The following HEATR5A variants were observed in gnomAD, a reference collection of about 807,000 sequenced individuals.
The protein encoded by HEATR5A is HEAT repeat-containing protein 5A.
Under a neutral mutation model 218.8 loss-of-function variants are expected in HEATR5A, and 178 were observed. The ratio of observed to expected loss-of-function variants is 0.81; its 90% CI spans 0.72 to 0.92. HEATR5A has a LOEUF of 0.92. Among genes scored for constraint, HEATR5A ranks in the 40% least tolerant of loss-of-function variants. The pLI, the probability that HEATR5A is intolerant of heterozygous loss-of-function variation, is 0.00. For synonymous variants in HEATR5A, 864 were observed against 871.6 expected (o/e 0.99, Z 0.15); for missense variants, 2,420 against 2,418.9 (o/e 1.00, Z -0.01).
At chr14:31,364,824 A>C (rs879574545) in intron 13 of HEATR5A, among the ~76,000 whole-genome samples, 3 of 152,160 alleles carry the variant, frequency 2.0e-5, no homozygotes, top group Non-Finnish European at 4.4e-5. Flanking sequence ...TCACTTTACC[A>C]ATGCTCATTC....
chr14:31,357,371 G>C (rs1901459766), intron 16 of HEATR5A, among the ~76,000 whole-genome samples: 2 of 152,206 alleles, frequency 1.3e-5, no homozygotes, highest in African/African-American at 2.4e-5. Flanking sequence ...TCCTCTGGAA[G>C]ATATAACTGG....
chr14:31,314,315 C>T (rs1311705615), intron 27 of HEATR5A, among the ~76,000 whole-genome samples: 6 of 151,908 alleles, frequency 3.9e-5, no homozygotes, highest in Admixed American at 1.3e-4. Context: ...CTGGATGGTG[C>T]GATCTTGGCT....
At chr14:31,362,777 C>CAAA (rs71430950) in intron 14 of HEATR5A, among the ~76,000 whole-genome samples, 3 of 132,518 alleles carry the variant, frequency 2.3e-5, no homozygotes, top group Non-Finnish European at 4.8e-5. Context: ...GGCCCCATCT[C>CAAA]AAAAAAAAAA....
At chr14:31,376,103 G>C (rs1595152316) in intron 11 of HEATR5A, among the ~76,000 whole-genome samples, 1 of 152,298 alleles carries the variant, frequency 6.6e-6, no homozygotes, top group African/African-American at 2.4e-5. Flanking sequence ...TATTAGTTGT[G>C]TAAACCTGGA....
At chr14:31,337,027 G>A (rs920831438) in intron 22 of HEATR5A, among the ~76,000 whole-genome samples, 4 of 152,180 alleles carry the variant, frequency 2.6e-5, no homozygotes, top group African/African-American at 9.7e-5. Flanking sequence ...GTAAACATTT[G>A]TGTATCAAAA....
intron 1 of HEATR5A, among the ~76,000 whole-genome samples, chr14:31,405,447 A>G (rs1443189227): frequency 6.6e-6 from 1 of 152,172 alleles, no homozygotes; most frequent in Non-Finnish European, 1.5e-5. Flanking sequence ...CAACAACAAA[A>G]AAGGAATATA....
chr14:31,325,255 T>G (rs1900225925), intron 23 of HEATR5A, among the ~76,000 whole-genome samples: 1 of 152,218 alleles, frequency 6.6e-6, no homozygotes, highest in Admixed American at 6.6e-5. Context: ...ATTTTCTCTC[T>G]TACTCCAAGG....
intron 31 of HEATR5A, 113 bp from the exon 32 acceptor site, chr14:31,305,290 T>G: frequency 9.4e-7 from 1 of 1,069,338 alleles, no homozygotes; most frequent in Non-Finnish European, 1.3e-6. Context: ...TGAGACAGAG[T>G]CTCGCTCTGT....
intron 22 of HEATR5A, chr14:31,334,195 T>C (rs1414140827): frequency 3.7e-6 from 1 of 272,120 alleles, no homozygotes; most frequent in Non-Finnish European, 7.6e-6. Flanking sequence ...TCACTGACAA[T>C]GTGCCTAGTT....
rs1375091408 is a variant in HEATR5A at position 31,347,980 on chromosome 14, A to G, written c.2709-73T>C. 6 of 941,136 alleles carry G rather than the reference A, an allele frequency of 6.4e-6. No homozygotes were observed. In the African/African-American group the frequency reaches 6.8e-5, roughly 11 times the overall value. 58.3% of individuals were successfully genotyped at this position (941,136 alleles called of 1,614,324 possible). A position where few individuals can be genotyped will look rare whatever the true frequency, so the allele number is the denominator to read the frequency against. ...AAAACACAAAAACTAATGCATGTACACTGTCACTTAGGCAAAACTTTTTAT... is the reference window on the plus strand; with the variant it reads ...AAAACACAAAAACTAATGCATGTACGCTGTCACTTAGGCAAAACTTTTTAT... On this transcript the variant is annotated intron_variant, in intron 18 of 35. Coordinates refer to ENST00000543095, the MANE Select transcript of HEATR5A (RefSeq NM_015473.4).
intron 18 of HEATR5A, 101 bp downstream of exon 18, chr14:31,349,684 CTTAG>C (rs1901149275): frequency 1.4e-6 from 1 of 728,796 alleles, no homozygotes; most frequent in Non-Finnish European, 2.2e-6. Context: ...TTTTTCTTTT[CTTAG>C]TTAAATCTCA....
intron 8 of HEATR5A, 46 bp from the exon 9 acceptor site, chr14:31,386,621 A>T (rs2030233697): frequency 6.7e-7 from 1 of 1,501,288 alleles, no homozygotes. Context: ...CTGTATTAAA[A>T]TATATTGAAA....
intron 29 of HEATR5A, among the ~76,000 whole-genome samples, chr14:31,308,230 G>A (rs139021054): frequency 9.2e-5 from 14 of 152,070 alleles, no homozygotes; most frequent in African/African-American, 2.7e-4. Context: ...AATCTATGCC[G>A]GGCATGGTGG....
chr14:31,326,376 C>G (rs748671666), intron 22 of HEATR5A, 34 bp from the exon 23 acceptor site: 29 of 1,519,152 alleles, frequency 1.9e-5, no homozygotes, highest in Non-Finnish European at 2.5e-5. Flanking sequence ...CTAAGTAATA[C>G]AGAAAACAAA....
chr14:31,384,432 A>C (rs2030122416), intron 9 of HEATR5A, among the ~76,000 whole-genome samples: 1 of 150,538 alleles, frequency 6.6e-6, no homozygotes, highest in Non-Finnish European at 1.5e-5. Flanking sequence ...TGACAGACTG[A>C]GACCCTGCCT....
At chr14:31,397,519 C>T (rs2030701158) in intron 4 of HEATR5A, among the ~76,000 whole-genome samples, 1 of 151,852 alleles carries the variant, frequency 6.6e-6, no homozygotes, top group Non-Finnish European at 1.5e-5. Context: ...ATTAGCTAGG[C>T]GTGGTGGCAC....
chr14:31,377,705 G>A (rs890804538), intron 11 of HEATR5A, among the ~76,000 whole-genome samples: 3 of 152,030 alleles, frequency 2.0e-5, no homozygotes, highest in Non-Finnish European at 2.9e-5. Flanking sequence ...CCGAGCCTGC[G>A]GAGGTCGAGG....
At chr14:31,405,565 T>A (rs535934933) in intron 1 of HEATR5A, among the ~76,000 whole-genome samples, 1 of 152,302 alleles carries the variant, frequency 6.6e-6, no homozygotes, top group South Asian at 2.1e-4. Flanking sequence ...AGCCAAAATA[T>A]TCACAATTAA....
At chr14:31,420,155 T>C (rs1190845636) in intron 1 of HEATR5A, 1 of 152,358 alleles carries the variant, frequency 6.6e-6, no homozygotes. Context: ...CGCCTACCTG[T>C]TGTGCACAGG....
Sources: allele counts gnomAD v4.1 joint callset (sites outside exome capture counted in the v4.1 genomes callset), GRCh38; gene constraint gnomAD v4.1.1; transcripts MANE v1.5; gene names NCBI Gene and HGNC (gene_info 2026-07-23, HGNC 2026-07-21).